Variants in CNTNAP2 observed in about 807,000 individuals in gnomAD.
The protein encoded by CNTNAP2 is contactin-associated protein-like 2.
A neutral mutation model predicts 155.2 loss-of-function variants in CNTNAP2; 98 were observed. The ratio of observed to expected loss-of-function variants is 0.63; its 90% CI spans 0.54 to 0.75. CNTNAP2 has a LOEUF of 0.75. CNTNAP2 is among the 30% of genes least tolerant of loss of function. The pLI is 0.00. For missense variants in CNTNAP2, 1,727 were observed against 1,688.1 expected (o/e 1.02, Z -0.40); for synonymous variants, 651 against 631.2 (o/e 1.03, Z -0.47).
At chr7:146,761,369 AAGC>A (rs1802096712) in intron 1 of CNTNAP2, among the ~76,000 whole-genome samples, 1 of 152,124 alleles carries the variant, frequency 6.6e-6, no homozygotes, top group Non-Finnish European at 1.5e-5. Context: ...AAAGAGAGGG[AAGC>A]AGACTAAATT....
In CNTNAP2 at chr7:148,270,471, A is replaced by C. The variant is rs1011695287; in HGVS notation, c.3475+3345A>C. On this transcript the variant is annotated intron_variant, in intron 21 of 23. Transcript: ENST00000361727. ...ATGGGTCCTTGGTGCACTGACTTCT[A>C]GTGGAGATTATCTCTCATCCCTACA... Among the ~76,000 whole-genome samples the C allele has an allele frequency of 1.2e-4, 18 of 152,296 alleles. 1 individual carries two copies. The highest frequency in any genetic ancestry group is 8.5e-4 in the Admixed American group (13 of 15,292).
intron 8 of CNTNAP2, among the ~76,000 whole-genome samples, chr7:147,189,693 A>G (rs28646147): frequency 0.37 from 56,103 of 152,014 alleles, 11,682 homozygotes; most frequent in East Asian, 0.61. Context: ...AAAATTTTTA[A>G]TCTTCTCCTT....
At chr7:147,965,919 G>A (rs376479310) in intron 14 of CNTNAP2, among the ~76,000 whole-genome samples, 14 of 152,176 alleles carry the variant, frequency 9.2e-5, no homozygotes, top group East Asian at 1.9e-4. Context: ...CAGCATCTTC[G>A]AGATATTGAT....
chr7:146,504,717 T>G (rs1797356316), intron 1 of CNTNAP2, among the ~76,000 whole-genome samples: 1 of 152,136 alleles, frequency 6.6e-6, no homozygotes, highest in Non-Finnish European at 1.5e-5. Flanking sequence ...TCCAGTTATG[T>G]GGGCATCTAA....
intron 13 of CNTNAP2, among the ~76,000 whole-genome samples, chr7:147,774,883 A>G (rs545558167): frequency 1.3e-5 from 2 of 152,260 alleles, no homozygotes; most frequent in East Asian, 3.9e-4. Context: ...AAGAAAACTG[A>G]AGCCAGAGAA....
intron 20 of CNTNAP2, among the ~76,000 whole-genome samples, chr7:148,244,568 T>G (rs1796221127): frequency 2.0e-5 from 1 of 48,826 alleles, no homozygotes; most frequent in South Asian, 1.3e-3. Flanking sequence ...TGTTTTGGGT[T>G]TTTTTTTTTT....
intron 18 of CNTNAP2, among the ~76,000 whole-genome samples, chr7:148,205,884 G>A (rs1348420194): frequency 6.6e-6 from 1 of 152,148 alleles, no homozygotes; most frequent in African/African-American, 2.4e-5. Context: ...AGTCTAGAGA[G>A]AAGCCTGGTG....
intron 13 of CNTNAP2, among the ~76,000 whole-genome samples, chr7:147,661,339 C>G (rs777770690): frequency 1.4e-4 from 21 of 152,000 alleles, no homozygotes; most frequent in Non-Finnish European, 2.6e-4. Context: ...TCAAATTTGG[C>G]TAATGAAGTG....
chr7:146,175,659 A>G (rs1361506059), intron 1 of CNTNAP2, among the ~76,000 whole-genome samples: 1 of 152,252 alleles, frequency 6.6e-6, no homozygotes, highest in African/African-American at 2.4e-5. Context: ...CTTTCTGGAT[A>G]AAATGCAATG....
intron 1 of CNTNAP2, among the ~76,000 whole-genome samples, chr7:146,336,775 A>C (rs1801283456): frequency 1.3e-5 from 2 of 152,230 alleles, no homozygotes; most frequent in African/African-American, 4.8e-5. Flanking sequence ...CCTAACAACA[A>C]GAAGAACAAC....
intron 17 of CNTNAP2, among the ~76,000 whole-genome samples, chr7:148,164,561 G>T (rs1805612719): frequency 6.9e-6 from 1 of 145,818 alleles, no homozygotes. Flanking sequence ...CTCCACGAAT[G>T]ATAAGATAGC....
At chr7:146,796,287 G>T (rs1172960018) in intron 2 of CNTNAP2, among the ~76,000 whole-genome samples, 1 of 152,178 alleles carries the variant, frequency 6.6e-6, no homozygotes, top group Admixed American at 6.5e-5. Flanking sequence ...AACAGAGAAA[G>T]ACTTTAATGA....
At chr7:148,072,324 T>G (rs768703464) in intron 15 of CNTNAP2, among the ~76,000 whole-genome samples, 16 of 152,168 alleles carry the variant, frequency 1.1e-4, no homozygotes, top group Non-Finnish European at 2.2e-4. Context: ...AAGGACCAGA[T>G]AGTATTTCAG....
intron 1 of CNTNAP2, among the ~76,000 whole-genome samples, chr7:146,524,415 G>A (rs1312533692): frequency 2.0e-5 from 3 of 151,944 alleles, no homozygotes; most frequent in African/African-American, 7.3e-5. Flanking sequence ...TGTGATAGTA[G>A]CATAGTTGCT....
At chr7:148,079,755 T>C (rs1803560936) in intron 15 of CNTNAP2, among the ~76,000 whole-genome samples, 1 of 152,234 alleles carries the variant, frequency 6.6e-6, no homozygotes. Flanking sequence ...TTTGGGTGTC[T>C]TATTGCTACA....
chr7:147,242,253 G>A (rs1462477043), intron 8 of CNTNAP2, among the ~76,000 whole-genome samples: 1 of 152,022 alleles, frequency 6.6e-6, no homozygotes, highest in Non-Finnish European at 1.5e-5. Context: ...TATTTTCTCT[G>A]ACACAAGTTT....
chr7:146,624,431 C>T (rs1799384478), intron 1 of CNTNAP2, among the ~76,000 whole-genome samples: 1 of 151,668 alleles, frequency 6.6e-6, no homozygotes, highest in African/African-American at 2.4e-5. Flanking sequence ...TAGTTGGTGT[C>T]TGTTATTTTT....
intron 1 of CNTNAP2, among the ~76,000 whole-genome samples, chr7:146,266,938 T>G (rs1011472953): frequency 1.3e-5 from 2 of 151,912 alleles, no homozygotes; most frequent in African/African-American, 4.8e-5. Flanking sequence ...CAATAAAATA[T>G]TTAGTCACAT....
intron 1 of CNTNAP2, among the ~76,000 whole-genome samples, chr7:146,266,753 G>A (rs1207553561): frequency 6.6e-6 from 1 of 152,058 alleles, no homozygotes; most frequent in Non-Finnish European, 1.5e-5. Context: ...GAAATGTAGA[G>A]TCTGGCTTTA....
Sources: gnomAD v4.1 joint callset for allele counts (sites outside exome capture counted in the v4.1 genomes callset) on GRCh38, gnomAD v4.1.1 for gene constraint, MANE v1.5 for transcripts, NCBI Gene and HGNC (gene_info 2026-07-23, HGNC 2026-07-21) for gene names.